Variants in CSMD1 observed in about 807,000 individuals in gnomAD.
The protein encoded by CSMD1 is CUB and sushi domain-containing protein 1.
Under a neutral mutation model 417.5 loss-of-function variants are expected in CSMD1, and 213 were observed. The ratio of observed to expected loss-of-function variants is 0.51; its 90% CI spans 0.46 to 0.57. The LOEUF is 0.57. Among genes scored for constraint, CSMD1 ranks in the 20% least tolerant of loss-of-function variants. The probability of loss-of-function intolerance (pLI) is 0.00; values close to 1 mark genes in which losing one functional copy is unlikely to be tolerated. For missense variants in CSMD1, 6,923 were observed against 4,529.7 expected (o/e 1.53, Z -15.17); for synonymous variants, 2,862 against 1,736.8 (o/e 1.65, Z -16.11).
chr8:3,247,129 C>G (rs1424080741), intron 26 of CSMD1, among the ~76,000 whole-genome samples: 1 of 152,134 alleles, frequency 6.6e-6, no homozygotes, highest in East Asian at 1.9e-4. Context: ...GGTGTGATGT[C>G]TCATTTGCCC....
chr8:4,235,876 G>A (rs138275307), intron 3 of CSMD1, among the ~76,000 whole-genome samples: 1 of 152,226 alleles, frequency 6.6e-6, no homozygotes, highest in Admixed American at 6.5e-5. Flanking sequence ...GAGGAATAGC[G>A]GAACCGGCTG....
chr8:3,653,675 G>A (rs974925981), intron 7 of CSMD1, among the ~76,000 whole-genome samples: 2 of 152,128 alleles, frequency 1.3e-5, no homozygotes, highest in African/African-American at 2.4e-5. Context: ...GCTTTTTACA[G>A]CCCAAGTCCT....
Position 3,087,246 on chromosome 8 carries a change from C to A in CSMD1, c.7325G>T (p.Gly2442Val), listed in dbSNP as rs200379033. 1 of 1,613,958 alleles carries A rather than the reference C, an allele frequency of 6.2e-7. No homozygotes were observed. The highest frequency in any genetic ancestry group is 1.1e-5 in the South Asian group (1 of 91,090). Reference protein sequence around the residue: ...CSLTHPLKNGGILNRTAGAVG... With the variant: ...CSLTHPLKNGVILNRTAGAVG... ...CGCTCCTGCAGTCCTGTTTAGAATA[C>A]CCCCATTCTTCAGGGGGTGGGTCAA... The change falls in exon 49 of 70, where the codon GGT becomes GTT. Residue 2442 changes from glycine to valine, a missense_variant. Gly to Val is a moderately radical substitution (Grantham distance 109, BLOSUM62 -3). Transcript: ENST00000635120.
At chr8:3,950,847 T>A (rs1419928178) in intron 5 of CSMD1, among the ~76,000 whole-genome samples, 1 of 152,230 alleles carries the variant, frequency 6.6e-6, no homozygotes, top group Non-Finnish European at 1.5e-5. Context: ...AGTAGAATAT[T>A]TTCTTTAAAA....
chr8:3,730,219 G>T (rs1208029881), intron 6 of CSMD1, among the ~76,000 whole-genome samples: 2 of 152,098 alleles, frequency 1.3e-5, no homozygotes, highest in East Asian at 3.9e-4. Flanking sequence ...CTTCCAGTTT[G>T]ATTCCCCATA....
intron 4 of CSMD1, among the ~76,000 whole-genome samples, chr8:4,016,228 C>A (rs1386363732): frequency 1.3e-5 from 2 of 152,134 alleles, no homozygotes; most frequent in Admixed American, 6.5e-5. Flanking sequence ...GTCATGTGAT[C>A]TCTCCATTCC....
chr8:3,484,824 A>G (rs1483255976), intron 11 of CSMD1, among the ~76,000 whole-genome samples: 2 of 152,218 alleles, frequency 1.3e-5, no homozygotes, highest in Admixed American at 6.5e-5. Context: ...ATCTGACAAA[A>G]TGTTCAGTAT....
chr8:2,995,431 C>CA (rs1229638839), intron 54 of CSMD1, among the ~76,000 whole-genome samples: 1 of 152,174 alleles, frequency 6.6e-6, no homozygotes, highest in Non-Finnish European at 1.5e-5. Context: ...CTTCATCGCC[C>CA]ACACATGTTG....
At chr8:4,211,426 C>T (rs1184085500) in intron 3 of CSMD1, among the ~76,000 whole-genome samples, 1 of 152,106 alleles carries the variant, frequency 6.6e-6, no homozygotes, top group East Asian at 1.9e-4. Context: ...TGAATTTTGT[C>T]TACAAACATA....
At chr8:4,827,258 A>G (rs567077787) in intron 1 of CSMD1, among the ~76,000 whole-genome samples, 22 of 152,270 alleles carry the variant, frequency 1.4e-4, no homozygotes, top group Admixed American at 3.3e-4. Context: ...AAATGAATTT[A>G]AGGACTAATA....
Position 4,636,894 on chromosome 8 carries a change from A to C in CSMD1, c.302+448T>G, listed in dbSNP as rs546793372. 3.3e-5 allele frequency among the ~76,000 whole-genome samples: 5 copies of C among 152,192 alleles called. No individual in the cohort carries two copies. The East Asian group carries it at 7.7e-4, about 24-fold the overall frequency. ...AGGATTGTAAAATGCACCAATCAGCACTCTGTAAAACACACCAATCAGCGC... is the reference window on the plus strand; with the variant it reads ...AGGATTGTAAAATGCACCAATCAGCCCTCTGTAAAACACACCAATCAGCGC... On this transcript the variant is annotated intron_variant, in intron 2 of 69. Transcript: ENST00000635120.
At chr8:3,016,930 A>C (rs1317178321) in intron 52 of CSMD1, among the ~76,000 whole-genome samples, 4 of 152,202 alleles carry the variant, frequency 2.6e-5, no homozygotes, top group African/African-American at 4.8e-5. Flanking sequence ...ACACAAGAAT[A>C]ACACAAGATA....
chr8:4,651,299 G>A (rs1585394689), intron 1 of CSMD1, among the ~76,000 whole-genome samples: 1 of 151,786 alleles, frequency 6.6e-6, no homozygotes, highest in South Asian at 2.1e-4. Flanking sequence ...TTAAAGATTT[G>A]GTATTTCCAG....
chr8:4,496,253 G>A (rs1801971858), intron 2 of CSMD1, among the ~76,000 whole-genome samples: 1 of 152,174 alleles, frequency 6.6e-6, no homozygotes, highest in Non-Finnish European at 1.5e-5. Flanking sequence ...TGCTATCTGT[G>A]CACCACAGCA....
In CSMD1 at chr8:4,134,815, T is replaced by C. The variant is rs77491983; in HGVS notation, c.416-102716A>G. ...TGAGTGATTTATTTTAACACAAATT[T>C]TGTCCTTGGCCTTGGCTGTTGAAAA... is the stretch of plus-strand genomic sequence containing the variant. On this transcript the variant is annotated intron_variant, in intron 3 of 69. Coordinates refer to ENST00000635120, the MANE Select transcript of CSMD1 (RefSeq NM_033225.6). Among the ~76,000 whole-genome samples, 1,399 of 152,318 alleles carry C rather than the reference T, an allele frequency of 9.2e-3. 29 individuals carry two copies. Among genetic ancestry groups the C allele is most frequent in the African/African-American group, 0.032 (1,329 of 41,580 alleles).
chr8:4,851,461 T>A (rs1242391495), intron 1 of CSMD1, among the ~76,000 whole-genome samples: 1 of 151,888 alleles, frequency 6.6e-6, no homozygotes, highest in Non-Finnish European at 1.5e-5. Flanking sequence ...TCAACCTCTA[T>A]TTTTTTTCTT....
intron 3 of CSMD1, among the ~76,000 whole-genome samples, chr8:4,102,476 T>C (rs1376645965): frequency 6.6e-6 from 1 of 152,168 alleles, no homozygotes; most frequent in African/African-American, 2.4e-5. Flanking sequence ...AGATATCAAA[T>C]CTGTCACTTG....
intron 2 of CSMD1, among the ~76,000 whole-genome samples, chr8:4,458,486 A>G (rs574078121): frequency 2.6e-5 from 4 of 152,232 alleles, no homozygotes; most frequent in East Asian, 1.9e-4. Flanking sequence ...CTAAGCATGC[A>G]TATTATGAGA....
intron 10 of CSMD1, among the ~76,000 whole-genome samples, chr8:3,546,666 G>T (rs1210516371): frequency 3.3e-5 from 5 of 152,114 alleles, no homozygotes; most frequent in Non-Finnish European, 5.9e-5. Context: ...ACTCATCAAT[G>T]GGTAAAGATT....
Sources: allele counts gnomAD v4.1 joint callset (sites outside exome capture counted in the v4.1 genomes callset), GRCh38; gene constraint gnomAD v4.1.1; transcripts MANE v1.5; gene names NCBI Gene and HGNC (gene_info 2026-07-23, HGNC 2026-07-21).